Variants in GPR174 observed in about 807,000 individuals in gnomAD.
GPR174 encodes probable G protein-coupled receptor 174.
A neutral mutation model predicts 16.5 loss-of-function variants in GPR174; 8 were observed. The observed-to-expected ratio is 0.48, with a 90% CI of 0.28 to 0.87. GPR174 has a LOEUF of 0.87. Ranked by LOEUF, GPR174 falls within the 40% of genes least tolerant of loss-of-function variation. The pLI is 0.09. For synonymous variants in GPR174, 111 were observed against 94.8 expected (o/e 1.17, Z -0.99); for missense variants, 214 against 247.5 (o/e 0.86, Z 0.91).
chrX:79,145,759 A>G (rs1602333847), intron 1 of GPR174, among the ~76,000 whole-genome samples: 1 of 111,778 alleles, frequency 8.9e-6, no homozygotes, highest in African/African-American at 3.3e-5. Context: ...TAAGTTACTT[A>G]TTTTCACTGT....
intron 1 of GPR174, among the ~76,000 whole-genome samples, chrX:79,147,723 C>T (rs1926528652): frequency 9.1e-6 from 1 of 110,469 alleles, no homozygotes; most frequent in East Asian, 2.8e-4. Context: ...TCTTGTCTGA[C>T]AGAAACAGAC....
chrX:79,154,878 G>A (rs777497062), intron 1 of GPR174, among the ~76,000 whole-genome samples: 14 of 110,969 alleles, frequency 1.3e-4, no homozygotes, highest in Non-Finnish European at 2.1e-4. Flanking sequence ...ACTTGTCTTG[G>A]GAGTTGAAAA....
At chrX:79,152,094 A>G (rs767628163) in intron 1 of GPR174, among the ~76,000 whole-genome samples, 7 of 112,119 alleles carry the variant, frequency 6.2e-5, no homozygotes, top group African/African-American at 2.3e-4. Context: ...GTGGTTTTAG[A>G]TGCAAGTTAA....
Position 79,171,656 on chromosome X carries a change from C to A in GPR174, c.649C>A (p.Pro217Thr). 2 of 1,211,097 alleles carry A rather than the reference C, an allele frequency of 1.7e-6. No individual in the cohort carries two copies. Among genetic ancestry groups the A allele is most frequent in the Non-Finnish European group, 1.1e-6 (1 of 895,157 alleles). Residue 217 changes from proline to threonine, a missense_variant, in exon 3 of 3, where the codon CCC (proline) becomes ACC (threonine). Transcript: ENST00000645147. ...GGTTTTATCACTGCAAGATAAATATCCCATGGCCCAAGATCTTGGAGAGAA... is the reference window on the plus strand; with the variant it reads ...GGTTTTATCACTGCAAGATAAATATACCATGGCCCAAGATCTTGGAGAGAA... Reference protein sequence around the residue: ...KTVLSLQDKYPMAQDLGEKQK... With the variant: ...KTVLSLQDKYTMAQDLGEKQK...
intron 1 of GPR174, among the ~76,000 whole-genome samples, chrX:79,155,231 T>C: frequency 9.0e-6 from 1 of 111,425 alleles, no homozygotes; most frequent in Middle Eastern, 4.6e-3. Flanking sequence ...AACAACAAAC[T>C]ACCAGCAAGG....
intron 1 of GPR174, among the ~76,000 whole-genome samples, chrX:79,156,088 G>A (rs1396727178): frequency 8.9e-6 from 1 of 112,067 alleles, no homozygotes; most frequent in East Asian, 2.8e-4. Flanking sequence ...AGGCTAATAT[G>A]TAACCCCTTC....
chrX:79,172,780 C>T lies in GPR174; in HGVS notation c.*771C>T, dbSNP rs1184746013. The T allele has an allele frequency of 1.8e-5, 2 of 111,774 alleles. 1 individual carries two copies. The highest frequency in any genetic ancestry group is 3.8e-5 in the Non-Finnish European group (2 of 53,133). The allele number at this position is 111,774 out of a possible 1,213,427, so 9.2% of individuals were successfully genotyped here. ...CCATACAAGGTGACTCAATTGGGCT[C>T]TAGGCCTAGGAGAAAGCAGAAAGGT... On this transcript the variant is annotated 3_prime_UTR_variant, in exon 3 of 3. Transcript: ENST00000645147.
chrX:79,152,613 G>C (rs1461909566), intron 1 of GPR174, among the ~76,000 whole-genome samples: 1 of 111,645 alleles, frequency 9.0e-6, no homozygotes, highest in African/African-American at 3.3e-5. Context: ...CCCTCTCCAA[G>C]AGGAAATAGA....
chrX:79,146,287 A>T (rs192212643), intron 1 of GPR174, among the ~76,000 whole-genome samples: 176 of 112,521 alleles, frequency 1.6e-3, no homozygotes, highest in Middle Eastern at 4.6e-3. Context: ...ACAGTAATGT[A>T]CATGGACTTT....
chrX:79,154,245 G>A (rs1001275188), intron 1 of GPR174, among the ~76,000 whole-genome samples: 5 of 111,109 alleles, frequency 4.5e-5, no homozygotes, highest in African/African-American at 6.5e-5. Flanking sequence ...GATCCTTTAC[G>A]TCTAGATCTG....
At chrX:79,163,264 C>T (rs763668672) in intron 2 of GPR174, among the ~76,000 whole-genome samples, 2 of 111,681 alleles carry the variant, frequency 1.8e-5, no homozygotes, top group Admixed American at 9.5e-5. Flanking sequence ...GGAAATAGGG[C>T]GATTGTCAAA....
rs41311545 is a variant in GPR174 at position 79,171,656 on chromosome X, C to G, written c.649C>G (p.Pro217Ala). Residue 217 changes from proline to alanine, a missense_variant, in exon 3 of 3, where the codon CCC becomes GCC. Transcript: ENST00000645147. ...KTVLSLQDKY[P>A]MAQDLGEKQK... ...GGTTTTATCACTGCAAGATAAATAT[C>G]CCATGGCCCAAGATCTTGGAGAGAA... 8.3e-7 allele frequency: 1 copy of G among 1,209,183 alleles called. No homozygotes were observed. Among genetic ancestry groups the G allele is most frequent in the Non-Finnish European group, 1.1e-6 (1 of 894,868 alleles).
intron 2 of GPR174, among the ~76,000 whole-genome samples, chrX:79,159,602 C>T (rs1921184757): frequency 8.9e-6 from 1 of 111,741 alleles, no homozygotes; most frequent in African/African-American, 3.3e-5. Flanking sequence ...TTTAAATAAC[C>T]TGCCCAAAGC....
At position 79,171,995 on chromosome X, in the gene GPR174, C is replaced by T; in HGVS notation, c.988C>T (p.Pro330Ser). 1 of 1,188,714 alleles carries T rather than the reference C, an allele frequency of 8.4e-7. No homozygotes were observed. Among genetic ancestry groups the T allele is most frequent in the Non-Finnish European group, 1.1e-6 (1 of 884,718 alleles). ...VSNHTASTMT[P>S]ELC is the part of the protein sequence containing the mutation. ...TAACCATACAGCTTCCACCATGACA[C>T]CTGAATTATGCTAAAACAAAAAACC... is the stretch of plus-strand genomic sequence containing the variant. The change falls in exon 3 of 3, where the codon CCT becomes TCT. Residue 330 changes from proline to serine, a missense_variant. Transcript: ENST00000645147.
chrX:79,155,911 T>G (rs749844517), intron 1 of GPR174, among the ~76,000 whole-genome samples: 58 of 111,939 alleles, frequency 5.2e-4, no homozygotes, highest in African/African-American at 1.7e-3. Context: ...AATCCTTTGC[T>G]AACCCTTATG....
chrX:79,171,483 A>G lies in GPR174; in HGVS notation c.476A>G (p.Asp159Gly), dbSNP rs199659192. 496 of 1,209,210 alleles carry G rather than the reference A, an allele frequency of 4.1e-4. 5 individuals are homozygous for G. The South Asian group carries it at 8.1e-3, about 20-fold the overall frequency. Residue 159 changes from aspartate to glycine, a missense_variant, in exon 3 of 3, where the codon GAT becomes GGT. Transcript: ENST00000645147. ...CTCTTTCCACTCCTCAGAACCAGTGATGATACCTCTGGCAATAGGACCAAA... is the reference window on the plus strand; with the variant it reads ...CTCTTTCCACTCCTCAGAACCAGTGGTGATACCTCTGGCAATAGGACCAAA... Reference protein sequence around the residue: ...CVLFPLLRTSDDTSGNRTKCF... With the variant: ...CVLFPLLRTSGDTSGNRTKCF...
At position 79,171,149 on chromosome X, in the gene GPR174, A is replaced by C. The variant is rs201687039; in HGVS notation, c.142A>C (p.Met48Leu). Reference protein sequence around the residue: ...ILALWVFYGYMKETKRAVIFM... With the variant: ...ILALWVFYGYLKETKRAVIFM... The stretch of plus-strand genomic sequence containing the variant: ...AGCCCTGTGGGTATTCTATGGTTAT[A>C]TGAAAGAAACAAAACGAGCTGTGAT... Residue 48 changes from methionine (M) to leucine (L), a missense_variant, in exon 3 of 3, where the codon ATG becomes CTG. Physicochemically the swap from Met to Leu is conservative, Grantham distance 15. Coordinates refer to ENST00000645147, the MANE Select transcript of GPR174 (RefSeq NM_032553.3). 8.3e-7 allele frequency: 1 copy of C among 1,205,977 alleles called. No homozygotes were observed. The highest frequency in any genetic ancestry group is 1.7e-5 in the African/African-American group (1 of 57,243).
chrX:79,155,189 T>G (rs1309935247), intron 1 of GPR174, among the ~76,000 whole-genome samples: 2 of 112,025 alleles, frequency 1.8e-5, no homozygotes, highest in Non-Finnish European at 3.8e-5. Flanking sequence ...TCTGACACAC[T>G]AAAGTGGTAC....
intron 1 of GPR174, among the ~76,000 whole-genome samples, chrX:79,146,655 C>T (rs1036016919): frequency 3.6e-5 from 4 of 112,076 alleles, no homozygotes; most frequent in African/African-American, 9.7e-5. Flanking sequence ...CAGGAACCAC[C>T]TAGTGTACTT....
Sources: allele counts gnomAD v4.1 joint callset (sites outside exome capture counted in the v4.1 genomes callset), GRCh38; gene constraint gnomAD v4.1.1; transcripts MANE v1.5; gene names NCBI Gene and HGNC (gene_info 2026-07-23, HGNC 2026-07-21).